GAS2: variants seen among roughly 807,000 people sequenced by gnomAD.
GAS2 encodes the protein growth arrest specific 2.
GAS2 carries 20 observed loss-of-function variants against 37.5 expected under a neutral mutation model. That is an observed-to-expected ratio of 0.53 (90% confidence interval 0.37 to 0.77). GAS2 has a LOEUF of 0.77. Among genes scored for constraint, GAS2 ranks in the 30% least tolerant of loss-of-function variants. The pLI is 0.00. For missense variants in GAS2, 336 were observed against 373.4 expected, an observed-to-expected ratio of 0.90 and a Z score of 0.82; for synonymous variants, 144 against 132.2, an observed-to-expected ratio of 1.09 and a Z score of -0.61.
intron 4 of GAS2, among the ~76,000 whole-genome samples, chr11:22,730,083 A>G (rs954585182): frequency 6.6e-6 from 1 of 151,784 alleles, no homozygotes; most frequent in African/African-American, 2.4e-5. Context: ...ATGCCATCCA[A>G]AGACAATATT....
At chr11:22,699,930 A>G (rs1850744676) in intron 3 of GAS2, among the ~76,000 whole-genome samples, 1 of 152,152 alleles carries the variant, frequency 6.6e-6, no homozygotes, top group Non-Finnish European at 1.5e-5. Context: ...CAGTCTGAAT[A>G]AAATGAAAGA....
intron 3 of GAS2, among the ~76,000 whole-genome samples, chr11:22,700,167 A>G (rs563850614): frequency 6.6e-6 from 1 of 152,258 alleles, no homozygotes; most frequent in African/African-American, 2.4e-5. Flanking sequence ...CCTTGAGTAC[A>G]TAGTTTATGT....
chr11:22,653,037 C>CTTTCTTTCTTTCTT (rs1565067589), intron 1 of GAS2, among the ~76,000 whole-genome samples: 1 of 104,204 alleles, frequency 9.6e-6, no homozygotes, highest in Non-Finnish European at 2.1e-5. Flanking sequence ...CTTTCTTTCT[C>CTTTCTTTCTTTCTT]TTTCTTTCTT....
upstream of GAS2, among the ~76,000 whole-genome samples, chr11:22,662,253 T>A (rs1201852567): frequency 6.6e-6 from 1 of 152,226 alleles, no homozygotes; most frequent in Non-Finnish European, 1.5e-5. Context: ...CAAGCATCTG[T>A]TTTAGTGAAC....
rs184076913 is a variant in GAS2 at position 22,812,296 on chromosome 11, G to C, written c.*280G>C. ...ACACAGTATTTAGAACACAATATTA[G>C]AAACACAATTCTAACTAAAGATAAA... On this transcript the variant is annotated 3_prime_UTR_variant, in exon 8 of 8. Transcript: ENST00000454584. 9 of 288,946 alleles carry C rather than the reference G, an allele frequency of 3.1e-5. No homozygotes were observed. The highest frequency in any genetic ancestry group is 1.5e-4 in the African/African-American group (7 of 45,660). 17.9% of individuals were successfully genotyped at this position (288,946 alleles called of 1,614,324 possible).
At chr11:22,757,461 C>T (rs1011591577) in intron 7 of GAS2, among the ~76,000 whole-genome samples, 2 of 152,070 alleles carry the variant, frequency 1.3e-5, no homozygotes, top group African/African-American at 4.8e-5. Context: ...TTAATATCAA[C>T]TAATACATAA....
upstream of GAS2, among the ~76,000 whole-genome samples, chr11:22,662,011 C>T (rs1020239299): frequency 2.0e-5 from 3 of 152,136 alleles, no homozygotes; most frequent in Non-Finnish European, 4.4e-5. Context: ...TTTTGTGAAA[C>T]ATACTTAGTT....
At chr11:22,637,667 T>G (rs1858854198) in intron 1 of GAS2, among the ~76,000 whole-genome samples, 1 of 138,230 alleles carries the variant, frequency 7.2e-6, no homozygotes, top group Admixed American at 7.6e-5. Flanking sequence ...TAATATAAAA[T>G]AAATATTTAT....
chr11:22,790,706 G>A (rs996577530), intron 7 of GAS2, among the ~76,000 whole-genome samples: 5 of 150,540 alleles, frequency 3.3e-5, no homozygotes, highest in South Asian at 4.2e-4. Flanking sequence ...CAAGTGATCC[G>A]CCCATCTTGG....
At chr11:22,809,633 G>T (rs182001647) in intron 7 of GAS2, among the ~76,000 whole-genome samples, 1 of 148,612 alleles carries the variant, frequency 6.7e-6, no homozygotes, top group African/African-American at 2.5e-5. Context: ...GACTACAGGC[G>T]CCTGCCACCA....
At chr11:22,698,506 C>G (rs1226256246) in intron 3 of GAS2, among the ~76,000 whole-genome samples, 1 of 151,902 alleles carries the variant, frequency 6.6e-6, no homozygotes, top group Non-Finnish European at 1.5e-5. Context: ...GGAATCCTCC[C>G]TAACTCATTT....
chr11:22,758,913 C>CAAAAA lies in GAS2; in HGVS notation c.723+2970_723+2974dup, dbSNP rs66871964. Among the ~76,000 whole-genome samples the CAAAAA allele has an allele frequency of 1.8e-3, 135 of 73,290 alleles. 25 individuals are homozygous for CAAAAA. Among genetic ancestry groups the CAAAAA allele is most frequent in the South Asian group, 5.1e-3 (8 of 1,582 alleles). The allele number at this position is 73,290 out of a possible 152,430, so 48.1% of individuals were successfully genotyped here. ...GGACAACAAGAGCAAAACTCCGTCT[C>CAAAAA]AAAAAAAAAAAAAAGAGAAAGTCAT... On this transcript the variant is annotated intron_variant, in intron 7 of 7. Coordinates refer to ENST00000454584, the MANE Select transcript of GAS2 (RefSeq NM_001143830.3).
intron 1 of GAS2, among the ~76,000 whole-genome samples, chr11:22,632,186 A>G (rs1467395660): frequency 6.6e-6 from 1 of 151,864 alleles, no homozygotes; most frequent in Non-Finnish European, 1.5e-5. Flanking sequence ...TTTCATTTCT[A>G]ATTTAGCTTA....
At position 22,700,811 on chromosome 11, in the gene GAS2, T is replaced by A. The variant is rs75540443; in HGVS notation, c.267+15022T>A. The stretch of plus-strand genomic sequence containing the variant: ...ATGGTTTCATGAATTTGCTCACCAT[T>A]GAAAATTAGGAAGAAAAATTAAATT... On this transcript the variant is annotated intron_variant, in intron 3 of 7. Transcript: ENST00000454584. 7.4e-3 allele frequency among the ~76,000 whole-genome samples: 1,122 copies of A among 152,294 alleles called. 21 individuals carry two copies. The highest frequency in any genetic ancestry group is 0.026 in the African/African-American group (1,063 of 41,568).
rs1491294585 is a variant in GAS2, at chr11:22,789,423, G to GATATATATATATAT, written c.724-22374_724-22373insTATATATATATATA. On this transcript the variant is annotated intron_variant, in intron 7 of 7. Transcript: ENST00000454584. ...GTGTGTATGTGTGTGTATCTCATAT[G>GATATATATATATAT]AGATATATATATATATATATATATA... Among the ~76,000 whole-genome samples the GATATATATATATAT allele has an allele frequency of 1.1e-4, 8 of 71,162 alleles. No individual in the cohort carries two copies. In the East Asian group the frequency reaches 2.8e-3, roughly 25 times the overall value. The allele number at this position is 71,162 out of a possible 152,430, so 46.7% of individuals were successfully genotyped here.
At chr11:22,683,353 C>T (rs1025515079) in intron 2 of GAS2, among the ~76,000 whole-genome samples, 7 of 152,140 alleles carry the variant, frequency 4.6e-5, no homozygotes, top group Non-Finnish European at 1.0e-4. Context: ...GCAACCTCCG[C>T]CTCCCAGGTT....
chr11:22,637,809 A>T (rs1264315544), intron 1 of GAS2, among the ~76,000 whole-genome samples: 1 of 147,158 alleles, frequency 6.8e-6, no homozygotes, highest in Non-Finnish European at 1.5e-5. Flanking sequence ...TTATGTATAA[A>T]TTGTATATAT....
chr11:22,726,237 A>G, intron 3 of GAS2, 55 bp from the exon 4 acceptor site: 1 of 1,538,464 alleles, frequency 6.5e-7, no homozygotes, highest in Non-Finnish European at 8.8e-7. Flanking sequence ...TTTTTAAAAC[A>G]TCATTGTGCT....
chr11:22,790,135 CATCCCGG>C (rs371328927), intron 7 of GAS2, among the ~76,000 whole-genome samples: 3,794 of 152,172 alleles, frequency 0.025, 152 homozygotes, highest in African/African-American at 0.087. Context: ...ATCAGCAGTG[CATCCCGG>C]AAAAAAGAGA....
Sources: allele counts gnomAD v4.1 joint callset (sites outside exome capture counted in the v4.1 genomes callset), GRCh38; gene constraint gnomAD v4.1.1; transcripts MANE v1.5; gene names NCBI Gene and HGNC (gene_info 2026-07-23, HGNC 2026-07-21).